The following FRMD5 variants were observed in gnomAD, a reference collection of about 807,000 sequenced individuals.
FRMD5 encodes FERM domain-containing protein 5.
In FRMD5, 20 loss-of-function variants were observed where a neutral mutation model predicts 69.0. The ratio of observed to expected loss-of-function variants is 0.29; its 90% CI spans 0.20 to 0.42. FRMD5 has a LOEUF of 0.42. FRMD5 is among the 10% of genes least tolerant of loss of function. The pLI is 1.00. For missense variants in FRMD5, 595 were observed against 708.6 expected (o/e 0.84, Z 1.82); for synonymous variants, 271 against 260.1 (o/e 1.04, Z -0.40).
chr15:43,958,933 G>A (rs1397039476), intron 1 of FRMD5, among the ~76,000 whole-genome samples: 1 of 152,014 alleles, frequency 6.6e-6, no homozygotes, highest in Non-Finnish European at 1.5e-5. Flanking sequence ...ATCTCTGCTG[G>A]CCATTTGTGT....
intron 1 of FRMD5, among the ~76,000 whole-genome samples, chr15:44,008,089 ATTTTTTTT>A (rs35785368): frequency 0.02 from 1,254 of 62,968 alleles, 6 homozygotes; most frequent in East Asian, 0.1. Flanking sequence ...ACAATCGGCA[ATTTTTTTT>A]TTTTTTTTTT....
At chr15:43,968,541 G>A (rs1273759081) in intron 1 of FRMD5, among the ~76,000 whole-genome samples, 1 of 152,000 alleles carries the variant, frequency 6.6e-6, no homozygotes, top group Non-Finnish European at 1.5e-5. Context: ...TATTCTGTGT[G>A]TTTCTTTTTT....
intron 1 of FRMD5, among the ~76,000 whole-genome samples, chr15:44,006,201 A>G (rs193104969): frequency 8.5e-5 from 13 of 152,348 alleles, no homozygotes; most frequent in African/African-American, 2.9e-4. Context: ...TATGCTAAAT[A>G]TATTGTGCCT....
chr15:44,122,485 A>G (rs1452936740), intron 1 of FRMD5, among the ~76,000 whole-genome samples: 2 of 152,168 alleles, frequency 1.3e-5, no homozygotes, highest in Admixed American at 1.3e-4. Flanking sequence ...GGTCTGAGGC[A>G]GGAAGATCGC....
At chr15:43,878,251 T>C (rs1354792019) in intron 13 of FRMD5, among the ~76,000 whole-genome samples, 1 of 152,054 alleles carries the variant, frequency 6.6e-6, no homozygotes, top group Admixed American at 6.6e-5. Flanking sequence ...TTTGTTATAA[T>C]GTTGATGAGA....
At chr15:44,044,610 G>GC (rs981203656) in intron 1 of FRMD5, among the ~76,000 whole-genome samples, 1 of 152,150 alleles carries the variant, frequency 6.6e-6, no homozygotes, top group African/African-American at 2.4e-5. Context: ...CATGTCCTTT[G>GC]CAGGGACATG....
chr15:44,067,954 A>G (rs1893380163), intron 1 of FRMD5, among the ~76,000 whole-genome samples: 1 of 152,276 alleles, frequency 6.6e-6, no homozygotes, highest in South Asian at 2.1e-4. Flanking sequence ...AAGTAAATAC[A>G]AATGGCCAAT....
intron 1 of FRMD5, among the ~76,000 whole-genome samples, chr15:43,966,514 C>T (rs1294628183): frequency 6.6e-6 from 1 of 152,036 alleles, no homozygotes; most frequent in African/African-American, 2.4e-5. Context: ...CCAAACCAAT[C>T]ATATTTAAGA....
chr15:44,190,331 C>T (rs2078172936), intron 1 of FRMD5, among the ~76,000 whole-genome samples: 1 of 152,154 alleles, frequency 6.6e-6, no homozygotes, highest in Non-Finnish European at 1.5e-5. Flanking sequence ...GGTCTGTCTC[C>T]TCTTTTATGG....
chr15:43,949,635 G>A (rs979042200), intron 1 of FRMD5, among the ~76,000 whole-genome samples: 3 of 152,212 alleles, frequency 2.0e-5, no homozygotes, highest in Non-Finnish European at 4.4e-5. Context: ...CACTAGAGTT[G>A]TTGCATCATT....
intron 1 of FRMD5, among the ~76,000 whole-genome samples, chr15:44,105,208 C>T (rs2076699435): frequency 1.3e-5 from 2 of 151,754 alleles, no homozygotes; most frequent in African/African-American, 4.8e-5. Context: ...TCTTGAGTAG[C>T]TGGGACCACA....
chr15:44,068,056 T>C (rs1207136013), intron 1 of FRMD5, among the ~76,000 whole-genome samples: 2 of 152,162 alleles, frequency 1.3e-5, no homozygotes, highest in Non-Finnish European at 2.9e-5. Flanking sequence ...AGGATGGTCA[T>C]AGTAAAAAAC....
intron 1 of FRMD5, among the ~76,000 whole-genome samples, chr15:43,961,010 A>C (rs180761764): frequency 5.3e-5 from 8 of 152,320 alleles, no homozygotes; most frequent in African/African-American, 1.9e-4. Context: ...AGCAAGAGCA[A>C]ACATATTCAA....
intron 1 of FRMD5, among the ~76,000 whole-genome samples, chr15:44,145,976 T>C (rs948446239): frequency 4.6e-5 from 7 of 152,212 alleles, no homozygotes; most frequent in African/African-American, 1.7e-4. Context: ...CATTTTTGCA[T>C]ACTGAGAATG....
intron 1 of FRMD5, among the ~76,000 whole-genome samples, chr15:44,090,966 C>G (rs2076464159): frequency 6.6e-6 from 1 of 152,144 alleles, no homozygotes; most frequent in African/African-American, 2.4e-5. Flanking sequence ...ACACAACCAG[C>G]TTGGGGACCC....
chr15:44,112,607 C>T (rs367582841), intron 1 of FRMD5, among the ~76,000 whole-genome samples: 15 of 152,156 alleles, frequency 9.9e-5, no homozygotes, highest in African/African-American at 3.1e-4. Context: ...GCTGGGACTA[C>T]AGGCGCCCGC....
chr15:44,009,304 A>C (rs1890606601), intron 1 of FRMD5, among the ~76,000 whole-genome samples: 1 of 152,222 alleles, frequency 6.6e-6, no homozygotes, highest in African/African-American at 2.4e-5. Flanking sequence ...AGTTATCACT[A>C]AACATGGCTG....
At chr15:44,082,803 C>T (rs2140452107) in intron 1 of FRMD5, among the ~76,000 whole-genome samples, 1 of 152,070 alleles carries the variant, frequency 6.6e-6, no homozygotes, top group African/African-American at 2.4e-5. Flanking sequence ...ATATGAAACA[C>T]TAGCTAATTG....
At chr15:43,956,613 C>T (rs1002604077) in intron 1 of FRMD5, among the ~76,000 whole-genome samples, 2 of 152,112 alleles carry the variant, frequency 1.3e-5, no homozygotes, top group Non-Finnish European at 1.5e-5. Context: ...TCTTGGGTCA[C>T]GGGTTAACTA....
Sources: gnomAD v4.1 joint callset for allele counts (sites outside exome capture counted in the v4.1 genomes callset) on GRCh38, gnomAD v4.1.1 for gene constraint, MANE v1.5 for transcripts, NCBI Gene and HGNC (gene_info 2026-07-23, HGNC 2026-07-21) for gene names.